The following BEND3 variants were observed in gnomAD, a reference collection of about 807,000 sequenced individuals.
BEND3 encodes the protein BEN domain-containing protein 3.
Under a neutral mutation model 60.1 loss-of-function variants are expected in BEND3, and 13 were observed. The observed-to-expected ratio is 0.22, with a 90% CI of 0.14 to 0.34. BEND3 has a LOEUF of 0.34. Ranked by LOEUF, BEND3 falls within the 10% of genes least tolerant of loss-of-function variation. The probability of loss-of-function intolerance (pLI) is 1.00; values close to 1 mark genes in which losing one functional copy is unlikely to be tolerated. For synonymous variants in BEND3, 497 were observed against 491.5 expected, an observed-to-expected ratio of 1.01 and a Z score of -0.15; for missense variants, 896 against 1,138.1, an observed-to-expected ratio of 0.79 and a Z score of 3.06.
Position 107,098,714 on chromosome 6 carries a change from T to G in BEND3, c.77A>C (p.Glu26Ala), listed in dbSNP as rs782597665. The G allele has an allele frequency of 2.5e-6, 4 of 1,614,016 alleles. No individual in the cohort carries two copies. Among genetic ancestry groups the G allele is most frequent in the Non-Finnish European group, 2.5e-6 (3 of 1,180,028 alleles). The change falls in exon 3 of 4, where the codon GAA becomes GCA. Residue 26 changes from glutamate (E) to alanine (A), a missense_variant. By Grantham distance (107) the Glu-to-Ala change is moderately radical. Coordinates refer to ENST00000369042, the MANE Select transcript of BEND3 (RefSeq NM_001367314.1). Reference sequence around the variant, plus strand: ...CACGGAGCAGTCCAGAGCAGCATCTTCAGCCTCTGTCTCCACTTTCACAGT... The same window carrying G: ...CACGGAGCAGTCCAGAGCAGCATCTGCAGCCTCTGTCTCCACTTTCACAGT... ...SITVKVETEA[E>A]DAALDCSVNS...
In BEND3 at chr6:107,065,367, T is replaced by C. The variant is rs185472590; in HGVS notation, c.*3337A>G. ...TGATGCGAGATTTCATTATCTTTGG[T>C]AAAACTATTCTCATTATTTTGTCTC... On this transcript the variant is annotated 3_prime_UTR_variant, in exon 4 of 4. Coordinates refer to ENST00000369042, the MANE Select transcript of BEND3 (RefSeq NM_001367314.1). The C allele has an allele frequency of 1.2e-4, 19 of 152,760 alleles. No individual in the cohort carries two copies. The highest frequency in any genetic ancestry group is 1.2e-3 in the Admixed American group (19 of 15,302). 9.5% of individuals were successfully genotyped at this position (152,760 alleles called of 1,614,324 possible).
At chr6:107,080,376 AAC>A (rs1554233379) in intron 3 of BEND3, among the ~76,000 whole-genome samples, 2 of 140,616 alleles carry the variant, frequency 1.4e-5, no homozygotes, top group African/African-American at 2.9e-5. Flanking sequence ...AAAAAAAAAA[AAC>A]AAAAAACAGG....
intron 3 of BEND3, among the ~76,000 whole-genome samples, chr6:107,074,574 G>A (rs1554232532): frequency 6.6e-6 from 1 of 152,044 alleles, no homozygotes; most frequent in East Asian, 1.9e-4. Flanking sequence ...AGTGCCTCAG[G>A]GTAAGTCACT....
chr6:107,102,223 A>G (rs2115031061), intron 1 of BEND3, among the ~76,000 whole-genome samples: 1 of 152,328 alleles, frequency 6.6e-6, no homozygotes, highest in East Asian at 1.9e-4. Flanking sequence ...TGTCTCTGGC[A>G]GGCCCATCAC....
In BEND3 at chr6:107,070,830, C is replaced by G. The variant is rs148305412; in HGVS notation, c.361G>C (p.Asp121His). The G allele has an allele frequency of 1.5e-5, 25 of 1,613,990 alleles. No individual in the cohort carries two copies. The highest frequency in any genetic ancestry group is 1.7e-4 in the Middle Eastern group (1 of 6,060). Residue 121 changes from aspartate (D) to histidine (H), a missense_variant, in exon 4 of 4, where the codon GAT (aspartate) becomes CAT (histidine). This residue lies in a region of BEND3 where 846 missense variants were observed against 1,036.7 expected (regional missense o/e 0.82). Coordinates refer to ENST00000369042, the MANE Select transcript of BEND3 (RefSeq NM_001367314.1). The surrounding 1 kb of genome is among the most constrained non-coding windows in gnomAD (Gnocchi z 6.9). ...VWPGEEEPCN[D>H]ATTPSYKKPL... The stretch of plus-strand genomic sequence containing the variant: ...TTCTTGTAGGAAGGGGTGGTGGCAT[C>G]GTTGCAGGGCTCCTCCTCTCCAGGC...
intron 3 of BEND3, among the ~76,000 whole-genome samples, chr6:107,095,754 ACT>A (rs1190298708): frequency 6.6e-6 from 1 of 152,240 alleles, no homozygotes; most frequent in Non-Finnish European, 1.5e-5. Context: ...CATGGAGGAA[ACT>A]CAAATGCATA....
rs781937153 is a variant in BEND3 at position 107,069,469 on chromosome 6, G to A, written c.1722C>T (p.Ala574=). ...GGAACAGGTGCACCAGCAGGCGCGA[G>A]GCGAAGTTGCCGATGGACAGGCTGC... ...YESSLSIGNF[A]SRLLVHLFPE... is the part of the protein sequence containing the mutation. Residue 574 remains alanine (A), a synonymous_variant, in exon 4 of 4, where the codon GCC becomes GCT. Coordinates refer to ENST00000369042, the MANE Select transcript of BEND3 (RefSeq NM_001367314.1). 19 of 1,612,718 alleles carry A rather than the reference G, an allele frequency of 1.2e-5. No homozygotes were observed. Among genetic ancestry groups the A allele is most frequent in the Non-Finnish European group, 1.6e-5 (19 of 1,180,052 alleles).
At position 107,070,466 on chromosome 6, in the gene BEND3, G is replaced by A; in HGVS notation, c.725C>T (p.Pro242Leu). The A allele has an allele frequency of 1.1e-5, 17 of 1,614,128 alleles. No individual in the cohort carries two copies. The highest frequency in any genetic ancestry group is 1.4e-5 in the Non-Finnish European group (17 of 1,180,036). Residue 242 changes from proline to leucine, a missense_variant, in exon 4 of 4, where the codon CCG (proline) becomes CTG (leucine). This residue lies in a region of BEND3 where 846 missense variants were observed against 1,036.7 expected (regional missense o/e 0.82). Transcript: ENST00000369042. The surrounding 1 kb of genome is among the most constrained non-coding windows in gnomAD (Gnocchi z 6.9). Reference sequence around the variant, plus strand: ...GGCTGTGAGCTGGTACTCAGGGGGCGGCTGGAATTTGGCCACCATCTCAGT... The same window carrying A: ...GGCTGTGAGCTGGTACTCAGGGGGCAGCTGGAATTTGGCCACCATCTCAGT... Reference protein sequence around the residue: ...SPTEMVAKFQPPPEYQLTAAE... With the variant: ...SPTEMVAKFQLPPEYQLTAAE...
At chr6:107,074,234 G>T (rs537711869) in intron 3 of BEND3, among the ~76,000 whole-genome samples, 1 of 152,224 alleles carries the variant, frequency 6.6e-6, no homozygotes, top group African/African-American at 2.4e-5. Context: ...TGGCCAACAC[G>T]GTGAAACCCC....
At chr6:107,111,957 G>C (rs1770107156) in intron 1 of BEND3, among the ~76,000 whole-genome samples, 1 of 149,306 alleles carries the variant, frequency 6.7e-6, no homozygotes, top group African/African-American at 2.5e-5. Context: ...ACTCCAGCCT[G>C]GGCACCAGAG....
chr6:107,087,872 C>G (rs1489440024), intron 3 of BEND3, among the ~76,000 whole-genome samples: 1 of 146,638 alleles, frequency 6.8e-6, no homozygotes, highest in Non-Finnish European at 1.5e-5. Flanking sequence ...CTCAAATGAT[C>G]CTCCCACCTC....
chr6:107,108,774 G>C (rs1775876353), intron 1 of BEND3, among the ~76,000 whole-genome samples: 1 of 152,158 alleles, frequency 6.6e-6, no homozygotes, highest in African/African-American at 2.4e-5. Context: ...AAGAGGAGAG[G>C]TGGCCACAGG....
intron 3 of BEND3, among the ~76,000 whole-genome samples, chr6:107,093,547 G>A (rs1775521114): frequency 6.6e-6 from 1 of 152,100 alleles, no homozygotes; most frequent in African/African-American, 2.4e-5. Context: ...TCAAGACAGG[G>A]TGGTACTGGG....
intron 3 of BEND3, among the ~76,000 whole-genome samples, chr6:107,086,740 A>T (rs1279448120): frequency 2.0e-5 from 3 of 151,070 alleles, no homozygotes; most frequent in African/African-American, 7.3e-5. Context: ...TACTAAGAAA[A>T]AACTGGCTGG....
Position 107,069,115 on chromosome 6 carries a change from C to G in BEND3, c.2076G>C (p.Glu692Asp). 6.2e-7 allele frequency: 1 copy of G among 1,612,854 alleles called. No homozygotes were observed. Among genetic ancestry groups the G allele is most frequent in the South Asian group, 1.1e-5 (1 of 91,042 alleles). Residue 692 changes from glutamate (E) to aspartate (D), a missense_variant, in exon 4 of 4, where the codon GAG becomes GAC. By Grantham distance (45) the Glu-to-Asp change is conservative. Around this residue, in one of 4 missense-constraint regions of BEND3, gnomAD observed 846 missense variants for 1,036.7 expected, o/e 0.82. Transcript: ENST00000369042. Reference sequence around the variant, plus strand: ...TCTTGCAAAAGTCCTTGCTGCTCCTCTCGGGGGGCAGTGGGGGCCCCTCAA... The same window carrying G: ...TCTTGCAAAAGTCCTTGCTGCTCCTGTCGGGGGGCAGTGGGGGCCCCTCAA... Reference protein sequence around the residue: ...EEFEGPPLPPERSSKDFCKIP... With the variant: ...EEFEGPPLPPDRSSKDFCKIP...
chr6:107,089,692 TC>T (rs1174264199), intron 3 of BEND3, among the ~76,000 whole-genome samples: 1 of 150,826 alleles, frequency 6.6e-6, no homozygotes, highest in African/African-American at 2.4e-5. Flanking sequence ...CCTCCCATGT[TC>T]AAGTGATTCT....
rs1281678000 is a variant in BEND3 at position 107,067,885 on chromosome 6, TG to T, written c.*818del. 1 of 152,136 alleles carries T rather than the reference TG, an allele frequency of 6.6e-6. No individual in the cohort carries two copies. Among genetic ancestry groups the T allele is most frequent in the Non-Finnish European group, 1.5e-5 (1 of 68,058 alleles). The allele number at this position is 152,136 out of a possible 1,614,324, so 9.4% of individuals were successfully genotyped here. A position where few individuals can be genotyped will look rare whatever the true frequency, so the allele number is the denominator to read the frequency against. On this transcript the variant is annotated 3_prime_UTR_variant, in exon 4 of 4. Transcript: ENST00000369042. ...CCAGCAACCATGTATGGAGAAGGAA[TG>T]GGGGCAGCGGAAGGACACGGCTCAG...
At chr6:107,091,759 A>G (rs1775479133) in intron 3 of BEND3, among the ~76,000 whole-genome samples, 1 of 152,356 alleles carries the variant, frequency 6.6e-6, no homozygotes, top group East Asian at 1.9e-4. Flanking sequence ...CTACAGTCTC[A>G]GAAAACAGAA....
intron 1 of BEND3, among the ~76,000 whole-genome samples, chr6:107,108,899 C>A (rs964773377): frequency 3.9e-5 from 6 of 152,076 alleles, no homozygotes; most frequent in Non-Finnish European, 7.3e-5. Context: ...CTGCATCCCG[C>A]GTTCAAGCAA....
Sources: gnomAD v4.1 joint callset for allele counts (sites outside exome capture counted in the v4.1 genomes callset) on GRCh38, gnomAD v4.1.1 for gene constraint, gnomAD v4.1.1 regional missense constraint, Gnocchi (gnomAD v3.1) non-coding constraint, MANE v1.5 for transcripts, NCBI Gene and HGNC (gene_info 2026-07-23, HGNC 2026-07-21) for gene names.